The following NTRK3 variants were observed in gnomAD, a reference collection of about 807,000 sequenced individuals.
The protein encoded by NTRK3 is NT-3 growth factor receptor.
NTRK3 carries 24 observed loss-of-function variants against 91.7 expected under a neutral mutation model. The observed-to-expected ratio is 0.26, with a 90% CI of 0.19 to 0.37. The LOEUF is 0.37. Among genes scored for constraint, NTRK3 ranks in the 10% least tolerant of loss-of-function variants. NTRK3 has a pLI of 1.00. For synonymous variants in NTRK3, 483 were observed against 404.0 expected, an observed-to-expected ratio of 1.20 and a Z score of -2.34; for missense variants, 880 against 1,068.9, an observed-to-expected ratio of 0.82 and a Z score of 2.46.
chr15:88,250,550 G>A (rs545914655), intron 3 of NTRK3, among the ~76,000 whole-genome samples: 1 of 152,314 alleles, frequency 6.6e-6, no homozygotes, highest in South Asian at 2.1e-4. Flanking sequence ...CTGCGAGGGG[G>A]CTTTTGGGCC....
At chr15:88,031,032 A>G (rs1305269680) in intron 14 of NTRK3, among the ~76,000 whole-genome samples, 1 of 152,224 alleles carries the variant, frequency 6.6e-6, no homozygotes, top group African/African-American at 2.4e-5. Context: ...CAGAAAAAAC[A>G]CATGTGTTAG....
chr15:88,069,104 C>G (rs1052969246), intron 13 of NTRK3, among the ~76,000 whole-genome samples: 1 of 152,168 alleles, frequency 6.6e-6, no homozygotes, highest in African/African-American at 2.4e-5. Context: ...AAGTTATCAA[C>G]ATTGCAGCCT....
chr15:88,131,925 G>A (rs570809549), intron 10 of NTRK3: 8 of 198,840 alleles, frequency 4.0e-5, no homozygotes, highest in African/African-American at 9.2e-5. Flanking sequence ...AGGAGCGCTT[G>A]TCCAGCACAC....
At chr15:88,208,058 GTT>G (rs1346879938) in intron 3 of NTRK3, among the ~76,000 whole-genome samples, 1 of 152,140 alleles carries the variant, frequency 6.6e-6, no homozygotes, top group African/African-American at 2.4e-5. Flanking sequence ...AATGGGATCT[GTT>G]GCAGTCCTCT....
rs74251169 is a variant in NTRK3, at chr15:87,914,593, G to A, written c.2133+14598C>T. On this transcript the variant is annotated intron_variant, in intron 17 of 18. Coordinates refer to ENST00000394480, the Ensembl canonical transcript of NTRK3. ...GCATTTTTAATGTAGAAATCACTGTGCTAAACGTGGGTGAGCTCCTTTGCC... is the reference window on the plus strand; with the variant it reads ...GCATTTTTAATGTAGAAATCACTGTACTAAACGTGGGTGAGCTCCTTTGCC... 5.9e-3 allele frequency among the ~76,000 whole-genome samples: 904 copies of A among 152,266 alleles called. 15 individuals are homozygous for A. The highest frequency in any genetic ancestry group is 0.034 in the East Asian group (175 of 5,186).
chr15:87,945,597 G>C (rs963274197), intron 14 of NTRK3, among the ~76,000 whole-genome samples: 2 of 152,194 alleles, frequency 1.3e-5, no homozygotes, highest in African/African-American at 2.4e-5. Context: ...TGGCTGCCCT[G>C]TGGGGCAGGA....
At chr15:87,893,932 T>C (rs2065973711) in intron 17 of NTRK3, among the ~76,000 whole-genome samples, 1 of 152,196 alleles carries the variant, frequency 6.6e-6, no homozygotes, top group Non-Finnish European at 1.5e-5. Context: ...AAGCAACTCA[T>C]CTACTTTGGA....
chr15:88,126,522 G>T (rs920081924), intron 12 of NTRK3, 149 bp from the exon 13 acceptor site: 1 of 599,642 alleles, frequency 1.7e-6, no homozygotes, highest in Admixed American at 3.0e-5. Context: ...GTCTTTAGAA[G>T]AAGAAATATA....
chr15:87,912,929 AAAATATATATATATATAT>A lies in NTRK3; in HGVS notation c.2133+16244_2133+16261del, dbSNP rs1390525732. On this transcript the variant is annotated intron_variant, in intron 17 of 18. Transcript: ENST00000394480. ...TGTTCAACTTTTCAAAAAGTAAAAA[AAAATATATATATATATAT>A]ATATATATATATATATATATATATA... 4.8e-3 allele frequency among the ~76,000 whole-genome samples: 72 copies of A among 15,092 alleles called. 3 individuals are homozygous for A. The highest frequency in any genetic ancestry group is 0.028 in the South Asian group (10 of 362). 9.9% of individuals were successfully genotyped at this position (15,092 alleles called of 152,430 possible).
chr15:88,176,795 G>A (rs1369418208), intron 5 of NTRK3, among the ~76,000 whole-genome samples: 3 of 152,220 alleles, frequency 2.0e-5, no homozygotes, highest in East Asian at 3.8e-4. Context: ...ACATTCCAGT[G>A]CGGGAGATAG....
chr15:88,058,781 A>C (rs2045946949), intron 13 of NTRK3, among the ~76,000 whole-genome samples: 1 of 152,208 alleles, frequency 6.6e-6, no homozygotes, highest in Non-Finnish European at 1.5e-5. Flanking sequence ...TTTAAGAGCT[A>C]CATGTCAGAT....
intron 5 of NTRK3, among the ~76,000 whole-genome samples, chr15:88,168,127 C>G (rs2045158310): frequency 6.6e-6 from 1 of 152,096 alleles, no homozygotes; most frequent in Admixed American, 6.5e-5. Context: ...TAATATTATG[C>G]AACTTCTCAT....
intron 16 of NTRK3, among the ~76,000 whole-genome samples, chr15:87,932,617 C>T (rs566659083): frequency 6.6e-6 from 1 of 152,176 alleles, no homozygotes; most frequent in South Asian, 2.1e-4. Flanking sequence ...AAGATACTAG[C>T]CTCACTTTGC....
intron 15 of NTRK3, among the ~76,000 whole-genome samples, chr15:87,935,838 A>C (rs1186194592): frequency 6.6e-6 from 1 of 152,154 alleles, no homozygotes; most frequent in Non-Finnish European, 1.5e-5. Context: ...TGGGTTCTTC[A>C]TTTGGGAGAT....
intron 3 of NTRK3, among the ~76,000 whole-genome samples, chr15:88,197,421 A>G (rs1158875591): frequency 6.6e-6 from 1 of 152,176 alleles, no homozygotes; most frequent in Admixed American, 6.5e-5. Context: ...TTTTACAAAG[A>G]TGACATCGAT....
intron 14 of NTRK3, among the ~76,000 whole-genome samples, chr15:88,018,940 C>T (rs2077422745): frequency 6.6e-6 from 1 of 151,884 alleles, no homozygotes; most frequent in Admixed American, 6.6e-5. Context: ...CTCTCTTCAC[C>T]ACCTACCTGC....
rs58946187 is a variant in NTRK3 at position 87,892,083 on chromosome 15, AACAC to A, written c.2134-11659_2134-11656del. Among the ~76,000 whole-genome samples, 432 of 141,424 alleles carry A rather than the reference AACAC, an allele frequency of 3.1e-3. 1 individual carries two copies. Among genetic ancestry groups the A allele is most frequent in the African/African-American group, 9.9e-3 (359 of 36,128 alleles). The allele number at this position is 141,424 out of a possible 152,430, so 92.8% of individuals were successfully genotyped here. A position where few individuals can be genotyped will look rare whatever the true frequency, so the allele number is the denominator to read the frequency against. On this transcript the variant is annotated intron_variant, in intron 17 of 18. Transcript: ENST00000394480. ...CCCTTGTCCAGTTGCCCCCATCCCC[AACAC>A]ACACACACACACACACACACACACA... is the stretch of plus-strand genomic sequence containing the variant.
At chr15:88,164,788 G>A (rs773334539) in intron 5 of NTRK3, among the ~76,000 whole-genome samples, 6 of 152,010 alleles carry the variant, frequency 3.9e-5, no homozygotes, top group Non-Finnish European at 5.9e-5. Context: ...ATGATTCAGG[G>A]CTTTAATTTA....
At chr15:88,162,694 G>C (rs1246926067) in intron 5 of NTRK3, among the ~76,000 whole-genome samples, 1 of 152,190 alleles carries the variant, frequency 6.6e-6, no homozygotes, top group Non-Finnish European at 1.5e-5. Context: ...ATATCATCAG[G>C]ATAGCAAACT....
Sources: gnomAD v4.1 joint callset for allele counts (sites outside exome capture counted in the v4.1 genomes callset) on GRCh38, gnomAD v4.1.1 for gene constraint, MANE v1.5 for transcripts, NCBI Gene and HGNC (gene_info 2026-07-23, HGNC 2026-07-21) for gene names.